The following EXOC4 variants were observed in gnomAD, a reference collection of about 807,000 sequenced individuals.
EXOC4 encodes exocyst complex component 4.
Under a neutral mutation model 107.2 loss-of-function variants are expected in EXOC4, and 71 were observed. The ratio of observed to expected loss-of-function variants is 0.66; its 90% confidence interval spans 0.55 to 0.81. The LOEUF is 0.81. Ranked by LOEUF, EXOC4 falls within the 30% of genes least tolerant of loss-of-function variation. The pLI is 0.00. For missense variants in EXOC4, 1,108 were observed against 1,189.6 expected, an observed-to-expected ratio of 0.93 and a Z score of 1.01; for synonymous variants, 456 against 441.2, an observed-to-expected ratio of 1.03 and a Z score of -0.42.
the EXOC4 span, among the ~76,000 whole-genome samples, chr7:134,100,038 G>T: frequency 6.6e-6 from 1 of 152,016 alleles, no homozygotes; most frequent in African/African-American, 2.4e-5. Flanking sequence ...GGTTTCCCTG[G>T]TTCTTTGGGT....
At chr7:133,722,421 A>G (rs1052833450) in intron 10 of EXOC4, among the ~76,000 whole-genome samples, 1 of 152,242 alleles carries the variant, frequency 6.6e-6, no homozygotes, top group Non-Finnish European at 1.5e-5. Flanking sequence ...TTTAGAAATC[A>G]AGATTCTACA....
chr7:133,872,848 A>G (rs1798777124), intron 11 of EXOC4, among the ~76,000 whole-genome samples: 1 of 152,252 alleles, frequency 6.6e-6, no homozygotes, highest in Admixed American at 6.5e-5. Context: ...ATATTTTAAG[A>G]AATGCATACT....
chr7:133,843,650 C>A (rs751579566), intron 11 of EXOC4, among the ~76,000 whole-genome samples: 5 of 151,936 alleles, frequency 3.3e-5, no homozygotes, highest in Admixed American at 1.3e-4. Context: ...ATTTGGATGC[C>A]TTTTCTTTTT....
At chr7:133,371,370 A>G (rs1796372637) in intron 6 of EXOC4, among the ~76,000 whole-genome samples, 1 of 152,128 alleles carries the variant, frequency 6.6e-6, no homozygotes, top group South Asian at 2.1e-4. Context: ...CCTCCCTAAA[A>G]CAAATCCCGT....
At chr7:133,711,988 A>G (rs1300964797) in intron 10 of EXOC4, among the ~76,000 whole-genome samples, 1 of 152,202 alleles carries the variant, frequency 6.6e-6, no homozygotes, top group Non-Finnish European at 1.5e-5. Flanking sequence ...TTTGACAAAC[A>G]TCAAGAACAT....
At chr7:134,007,310 C>G (rs1012911544) in intron 16 of EXOC4, among the ~76,000 whole-genome samples, 2 of 152,174 alleles carry the variant, frequency 1.3e-5, no homozygotes, top group African/African-American at 4.8e-5. Flanking sequence ...CTGTGGTCTT[C>G]TCTGCTTCCC....
At chr7:133,739,867 C>T (rs1795527866) in intron 10 of EXOC4, among the ~76,000 whole-genome samples, 1 of 152,152 alleles carries the variant, frequency 6.6e-6, no homozygotes, top group African/African-American at 2.4e-5. Flanking sequence ...CCAACCTTCT[C>T]ATAATACCTG....
intron 14 of EXOC4, among the ~76,000 whole-genome samples, chr7:133,955,714 C>T (rs1348168035): frequency 6.6e-6 from 1 of 152,226 alleles, no homozygotes; most frequent in Admixed American, 6.5e-5. Context: ...GGGGCACCTA[C>T]AGGCCTGCAC....
chr7:133,990,204 A>AC (rs1350058598), intron 14 of EXOC4, among the ~76,000 whole-genome samples: 1 of 152,054 alleles, frequency 6.6e-6, no homozygotes, highest in Non-Finnish European at 1.5e-5. Context: ...ACCGTGTGGT[A>AC]CTGTCAAATA....
intron 9 of EXOC4, among the ~76,000 whole-genome samples, chr7:133,565,629 T>C (rs776684354): frequency 4.2e-4 from 64 of 152,182 alleles, no homozygotes; most frequent in Non-Finnish European, 7.3e-4. Context: ...TTTAAATATG[T>C]CCCATGCAAT....
At chr7:133,421,793 A>AT (rs1584904061) in intron 7 of EXOC4, among the ~76,000 whole-genome samples, 1 of 152,052 alleles carries the variant, frequency 6.6e-6, no homozygotes, top group Non-Finnish European at 1.5e-5. Context: ...CTACTCATTC[A>AT]TTTTTCCCCC....
At chr7:133,962,528 C>T (rs1800970520) in intron 14 of EXOC4, among the ~76,000 whole-genome samples, 1 of 152,170 alleles carries the variant, frequency 6.6e-6, no homozygotes, top group African/African-American at 2.4e-5. Context: ...ACCTTCGACC[C>T]TCTGGTTCCC....
At chr7:133,340,585 A>G (rs1405398452) in intron 5 of EXOC4, among the ~76,000 whole-genome samples, 1 of 152,024 alleles carries the variant, frequency 6.6e-6, no homozygotes, top group East Asian at 1.9e-4. Flanking sequence ...CTTGTGGATT[A>G]GTGTCAATAG....
chr7:133,625,557 A>G (rs914204843), intron 9 of EXOC4, among the ~76,000 whole-genome samples: 3 of 152,200 alleles, frequency 2.0e-5, no homozygotes, highest in Non-Finnish European at 4.4e-5. Context: ...TACAAACCAC[A>G]TTAAACTCTA....
intron 12 of EXOC4, among the ~76,000 whole-genome samples, chr7:133,898,553 G>GGACCATCCTA: frequency 6.6e-6 from 1 of 151,748 alleles, no homozygotes; most frequent in African/African-American, 2.4e-5. Context: ...AGACCATCCT[G>GGACCATCCTA]GTTAACACGG....
chr7:133,598,489 T>A (rs1007137061), intron 9 of EXOC4, among the ~76,000 whole-genome samples: 2 of 152,226 alleles, frequency 1.3e-5, no homozygotes, highest in Admixed American at 6.5e-5. Context: ...ATGTGGCTAA[T>A]GCAACTGAGG....
intron 14 of EXOC4, among the ~76,000 whole-genome samples, chr7:133,980,717 C>T (rs1793960984): frequency 6.6e-6 from 1 of 152,154 alleles, no homozygotes; most frequent in Non-Finnish European, 1.5e-5. Flanking sequence ...CTCCATGTAG[C>T]TTACTCTCAA....
chr7:133,528,759 C>T (rs1021035333), intron 9 of EXOC4, among the ~76,000 whole-genome samples: 1 of 152,044 alleles, frequency 6.6e-6, no homozygotes, highest in African/African-American at 2.4e-5. Context: ...ACACATTTGT[C>T]TGAACAAAAG....
intron 7 of EXOC4, among the ~76,000 whole-genome samples, chr7:133,413,808 C>T (rs1797414246): frequency 6.6e-6 from 1 of 152,070 alleles, no homozygotes; most frequent in Non-Finnish European, 1.5e-5. Flanking sequence ...TGTCCAAGAT[C>T]ATATACTTTC....
Sources: allele counts gnomAD v4.1 joint callset (sites outside exome capture counted in the v4.1 genomes callset), GRCh38; gene constraint gnomAD v4.1.1; transcripts MANE v1.5; gene names NCBI Gene and HGNC (gene_info 2026-07-23, HGNC 2026-07-21).